Variants in DACH1 observed in about 807,000 individuals in gnomAD.
The protein encoded by DACH1 is dachshund family transcription factor 1.
DACH1 carries 12 observed loss-of-function variants against 54.2 expected under a neutral mutation model. The ratio of observed to expected loss-of-function variants is 0.22; its 90% confidence interval spans 0.14 to 0.36. The LOEUF (loss-of-function observed/expected upper bound fraction) is 0.36, where lower values mean the gene tolerates loss of function less well. Among genes scored for constraint, DACH1 ranks in the 10% least tolerant of loss-of-function variants. The pLI, the probability that DACH1 is intolerant of heterozygous loss-of-function variation, is 1.00. For missense variants in DACH1, 805 were observed against 929.8 expected, an observed-to-expected ratio of 0.87 and a Z score of 1.75; for synonymous variants, 386 against 366.2, an observed-to-expected ratio of 1.05 and a Z score of -0.62.
chr13:71,550,271 T>A (rs1446027525), intron 6 of DACH1, among the ~76,000 whole-genome samples: 1 of 152,162 alleles, frequency 6.6e-6, no homozygotes, highest in African/African-American at 2.4e-5. Flanking sequence ...TCCAGACATA[T>A]ATTATCTCAC....
chr13:71,688,689 G>A (rs748907600), intron 1 of DACH1, among the ~76,000 whole-genome samples: 5 of 152,052 alleles, frequency 3.3e-5, no homozygotes, highest in Non-Finnish European at 7.4e-5. Context: ...ATCACCAGTG[G>A]ACACCTTGTG....
intron 6 of DACH1, among the ~76,000 whole-genome samples, chr13:71,506,396 T>G (rs1471175793): frequency 6.6e-6 from 1 of 150,668 alleles, no homozygotes; most frequent in Non-Finnish European, 1.5e-5. Context: ...GTTTGGTTTT[T>G]TGTTCTTGCG....
chr13:71,764,079 TATC>T (rs1472390319), intron 1 of DACH1, among the ~76,000 whole-genome samples: 1 of 152,218 alleles, frequency 6.6e-6, no homozygotes, highest in Non-Finnish European at 1.5e-5. Flanking sequence ...TAAGAAAGAA[TATC>T]ATTATCATTA....
At chr13:71,505,741 C>T (rs1260035596) in intron 6 of DACH1, among the ~76,000 whole-genome samples, 1 of 152,004 alleles carries the variant, frequency 6.6e-6, no homozygotes, top group Non-Finnish European at 1.5e-5. Flanking sequence ...TTCTCATATA[C>T]TAAGATTTCA....
intron 6 of DACH1, among the ~76,000 whole-genome samples, chr13:71,529,787 A>C (rs1882291690): frequency 6.6e-6 from 1 of 152,204 alleles, no homozygotes; most frequent in South Asian, 2.1e-4. Context: ...GTTGTTTGTG[A>C]ATATTTTATT....
chr13:71,736,757 C>A (rs1179771635), intron 1 of DACH1, among the ~76,000 whole-genome samples: 1 of 152,100 alleles, frequency 6.6e-6, no homozygotes, highest in East Asian at 1.9e-4. Flanking sequence ...CTTAATCGAT[C>A]TGATGTATAT....
At chr13:71,608,055 A>ATG in intron 3 of DACH1, among the ~76,000 whole-genome samples, 1 of 143,822 alleles carries the variant, frequency 7.0e-6, no homozygotes, top group South Asian at 2.1e-4. Context: ...AGAGATTACA[A>ATG]TGTGTATATA....
chr13:71,773,316 C>G (rs716877), intron 1 of DACH1, among the ~76,000 whole-genome samples: 65,541 of 151,658 alleles, frequency 0.43, 17,390 homozygotes, highest in Non-Finnish European at 0.6. Flanking sequence ...TACAGAATCT[C>G]TTTAATCTAA....
intron 10 of DACH1, among the ~76,000 whole-genome samples, chr13:71,465,584 A>AT (rs780932035): frequency 6.6e-6 from 1 of 152,060 alleles, no homozygotes; most frequent in Admixed American, 6.6e-5. Flanking sequence ...CATTATATAC[A>AT]TTTTTTGTTG....
chr13:71,707,554 C>G (rs1344709135), intron 1 of DACH1, among the ~76,000 whole-genome samples: 1 of 152,028 alleles, frequency 6.6e-6, no homozygotes, highest in South Asian at 2.1e-4. Context: ...TCCCAGAGAA[C>G]AGAAGCAGAA....
intron 3 of DACH1, among the ~76,000 whole-genome samples, chr13:71,616,651 A>C (rs1305983524): frequency 2.0e-5 from 3 of 151,998 alleles, no homozygotes; most frequent in African/African-American, 7.2e-5. Context: ...CAGGAGGATC[A>C]TGTGAGCCCA....
intron 1 of DACH1, among the ~76,000 whole-genome samples, chr13:71,725,509 A>G (rs1883429706): frequency 6.6e-6 from 1 of 152,104 alleles, no homozygotes; most frequent in African/African-American, 2.4e-5. Context: ...GAAACTATAT[A>G]AAATATAAAC....
rs1319902868 is a variant in DACH1 at position 71,738,210 on chromosome 13, T to G, written c.849-56300A>C. ...CATGGAAGTGATTCTTAAATAGGAG[T>G]TCCCCTCCACCAATAGAGAGTAGCA... On this transcript the variant is annotated intron_variant, in intron 1 of 10. Coordinates refer to ENST00000613252, the MANE Select transcript of DACH1 (RefSeq NM_080759.6). 2.0e-5 allele frequency among the ~76,000 whole-genome samples: 3 copies of G among 152,042 alleles called. No individual in the cohort carries two copies. In the East Asian group the frequency reaches 5.8e-4, roughly 29 times the overall value.
chr13:71,463,065 AT>A (rs1876238851), intron 10 of DACH1, among the ~76,000 whole-genome samples: 2 of 152,030 alleles, frequency 1.3e-5, no homozygotes, highest in Non-Finnish European at 2.9e-5. Flanking sequence ...AGGTCACAAC[AT>A]TAATGAATGA....
rs963289428 is a variant in DACH1 at position 71,709,115 on chromosome 13, A to G, written c.849-27205T>C. Among the ~76,000 whole-genome samples, 14 of 151,948 alleles carry G rather than the reference A, an allele frequency of 9.2e-5. 1 individual carries two copies. Among genetic ancestry groups the G allele is most frequent in the Admixed American group, 1.3e-4 (2 of 15,248 alleles). On this transcript the variant is annotated intron_variant, in intron 1 of 10. Transcript: ENST00000613252. The stretch of plus-strand genomic sequence containing the variant: ...TGATCCTCCTGCCTCGGCCTCCCAA[A>G]GTGCTGGGATTACAGGCGTGAGCCA...
chr13:71,819,778 T>C (rs1483537169), intron 1 of DACH1, among the ~76,000 whole-genome samples: 1 of 152,064 alleles, frequency 6.6e-6, no homozygotes, highest in Non-Finnish European at 1.5e-5. Flanking sequence ...AAAAACAAAG[T>C]CCTTGTTCAA....
intron 7 of DACH1, among the ~76,000 whole-genome samples, chr13:71,486,652 T>G (rs1878527988): frequency 6.6e-6 from 1 of 152,168 alleles, no homozygotes; most frequent in South Asian, 2.1e-4. Context: ...GATTTTTAAT[T>G]TTTATTTCAC....
chr13:71,509,635 G>T (rs1438361508), intron 6 of DACH1, among the ~76,000 whole-genome samples: 4 of 152,020 alleles, frequency 2.6e-5, no homozygotes, highest in Admixed American at 1.3e-4. Context: ...CCTAGAGCTG[G>T]TTTTTCCAAA....
At chr13:71,578,495 C>G (rs543084525) in intron 3 of DACH1, among the ~76,000 whole-genome samples, 1 of 152,068 alleles carries the variant, frequency 6.6e-6, no homozygotes, top group Non-Finnish European at 1.5e-5. Flanking sequence ...TGATATAAAA[C>G]GTCAGCAGTA....
Sources: allele counts gnomAD v4.1 joint callset (sites outside exome capture counted in the v4.1 genomes callset), GRCh38; gene constraint gnomAD v4.1.1; transcripts MANE v1.5; gene names NCBI Gene and HGNC (gene_info 2026-07-23, HGNC 2026-07-21).